NFIX: variants seen among roughly 807,000 people sequenced by gnomAD.
The protein encoded by NFIX is nuclear factor 1 X-type.
In NFIX, 2 loss-of-function variants were observed where a neutral mutation model predicts 53.3. The ratio of observed to expected loss-of-function variants is 0.04; its 90% CI spans 0.02 to 0.12. The LOEUF is 0.12. Among genes scored for constraint, NFIX ranks in the 10% least tolerant of loss-of-function variants. The pLI, the probability that NFIX is intolerant of heterozygous loss-of-function variation, is 1.00. For synonymous variants in NFIX, 244 were observed against 289.0 expected, an observed-to-expected ratio of 0.84 and a Z score of 1.58; for missense variants, 310 against 674.5, an observed-to-expected ratio of 0.46 and a Z score of 5.99.
intron 2 of NFIX, among the ~76,000 whole-genome samples, chr19:13,039,523 T>C (rs2014465759): frequency 6.6e-6 from 1 of 152,186 alleles, no homozygotes; most frequent in Admixed American, 6.5e-5. Context: ...AAGGCATGTG[T>C]TGGCCTCCTC....
chr19:13,039,030 C>T (rs563239121), intron 2 of NFIX, among the ~76,000 whole-genome samples: 9 of 152,088 alleles, frequency 5.9e-5, no homozygotes, highest in Non-Finnish European at 1.3e-4. Flanking sequence ...ACACAAAGGC[C>T]ATTGCTCCAT....
At position 13,002,757 on chromosome 19, in the gene NFIX, G is replaced by A. The variant is rs983912158; in HGVS notation, c.27+6893G>A. 4.6e-5 allele frequency among the ~76,000 whole-genome samples: 7 copies of A among 152,182 alleles called. No individual in the cohort carries two copies. Among genetic ancestry groups the A allele is most frequent in the South Asian group, 2.1e-4 (1 of 4,838 alleles). On this transcript the variant is annotated intron_variant, in intron 1 of 10. Coordinates refer to ENST00000592199, the MANE Select transcript of NFIX (RefSeq NM_001365902.3). The surrounding 1 kb of genome is among the most constrained non-coding windows in gnomAD (Gnocchi z 6.1). ...GGCGCTCTGCAGCCAATCGGAAGCC[G>A]GGGTTGCACTGGGGAGCTCTCCCCC...
At chr19:13,015,135 GTTA>G (rs916047733) in intron 1 of NFIX, among the ~76,000 whole-genome samples, 13 of 152,000 alleles carry the variant, frequency 8.6e-5, no homozygotes, top group African/African-American at 3.1e-4. Flanking sequence ...TATTTTCCTT[GTTA>G]TTTGGTCCTT....
rs545594488 is a variant in NFIX at position 13,077,066 on chromosome 19, T to C, written c.955+1395T>C. ...GAGGAGTTGAGAAGGCCCGGGAGAC[T>C]CTTGGGCTACATCCTGGGTCCCTGG... On this transcript the variant is annotated intron_variant, in intron 6 of 10. Transcript: ENST00000592199. Among the ~76,000 whole-genome samples, 3 of 152,212 alleles carry C rather than the reference T, an allele frequency of 2.0e-5. No homozygotes were observed. In the South Asian group the frequency reaches 6.2e-4, roughly 32 times the overall value.
chr19:13,085,748 A>G (rs546308620), intron 8 of NFIX, among the ~76,000 whole-genome samples: 2 of 152,288 alleles, frequency 1.3e-5, no homozygotes, highest in Non-Finnish European at 2.9e-5. Context: ...TCAGACCTAG[A>G]TGCTGGTCAT....
At position 13,089,790 on chromosome 19, in the gene NFIX, C is replaced by T. The variant is rs1027905425; in HGVS notation, c.1403-509C>T. ...GGAGAGGTAGCCTGGCTGGGAAGGCCTTCCCGAAGCAGGGTGGGGCCGGAC... is the reference window on the plus strand; with the variant it reads ...GGAGAGGTAGCCTGGCTGGGAAGGCTTTCCCGAAGCAGGGTGGGGCCGGAC... On this transcript the variant is annotated intron_variant, in intron 9 of 10. Transcript: ENST00000592199. The surrounding 1 kb of genome is among the most constrained non-coding windows in gnomAD (Gnocchi z 4.8). 2.0e-5 allele frequency among the ~76,000 whole-genome samples: 3 copies of T among 152,152 alleles called. No homozygotes were observed. Among genetic ancestry groups the T allele is most frequent in the Admixed American group, 6.5e-5 (1 of 15,284 alleles).
At chr19:13,064,712 G>A (rs2016297668) in intron 2 of NFIX, among the ~76,000 whole-genome samples, 1 of 152,184 alleles carries the variant, frequency 6.6e-6, no homozygotes, top group Non-Finnish European at 1.5e-5. Context: ...ATGTACTCAA[G>A]AGCGTGAGCT....
At position 13,088,335 on chromosome 19, in the gene NFIX, AGCCCCCT is replaced by A. The variant is rs2017915426; in HGVS notation, c.1402+204_1402+210del. Among the ~76,000 whole-genome samples, 1 of 151,544 alleles carries A rather than the reference AGCCCCCT, an allele frequency of 6.6e-6. No individual in the cohort carries two copies. Among genetic ancestry groups the A allele is most frequent in the African/African-American group, 2.4e-5 (1 of 41,190 alleles). ...CAGTCGCACCAGCCAGCACCCCACG[AGCCCCCT>A]GCCCGCTGCTCCCAGCCGGGGCCCC... On this transcript the variant is annotated intron_variant, in intron 9 of 10. Transcript: ENST00000592199. The surrounding 1 kb of genome is among the most constrained non-coding windows in gnomAD (Gnocchi z 5.9).
intron 2 of NFIX, among the ~76,000 whole-genome samples, chr19:13,048,085 C>A (rs2015102941): frequency 6.6e-6 from 1 of 152,182 alleles, no homozygotes; most frequent in African/African-American, 2.4e-5. Flanking sequence ...TGTGTTATGC[C>A]TAGAAGCTGG....
intron 1 of NFIX, among the ~76,000 whole-genome samples, chr19:13,003,286 C>T (rs907110148): frequency 6.6e-6 from 1 of 152,144 alleles, no homozygotes; most frequent in African/African-American, 2.4e-5. Flanking sequence ...CCGGCCACAC[C>T]CGAACACATC....
intron 1 of NFIX, 146 bp from the exon 2 acceptor site, chr19:13,024,875 T>TG (rs2013194686): frequency 1.5e-6 from 2 of 1,323,608 alleles, no homozygotes; most frequent in East Asian, 2.5e-5. Flanking sequence ...AGAAAATTGT[T>TG]GGGGGGAGGG....
intron 8 of NFIX, among the ~76,000 whole-genome samples, chr19:13,086,618 A>G (rs1471056593): frequency 6.6e-6 from 1 of 152,164 alleles, no homozygotes; most frequent in Non-Finnish European, 1.5e-5. Context: ...CAGCCCCTCC[A>G]GCCTCTTTGT....
rs2011970295 is a variant in NFIX at position 13,005,620 on chromosome 19, C to G, written c.27+9756C>G. Among the ~76,000 whole-genome samples, 1 of 152,180 alleles carries G rather than the reference C, an allele frequency of 6.6e-6. No homozygotes were observed. Among genetic ancestry groups the G allele is most frequent in the African/African-American group, 2.4e-5 (1 of 41,422 alleles). ...AAAACCAAGACTCAGTAGAGGTATC[C>G]AGTGCTAGGGTCAAGGGCGGGGAGC... On this transcript the variant is annotated intron_variant, in intron 1 of 10. Transcript: ENST00000592199. This position sits in a 1 kb window ranked among gnomAD's most constrained non-coding sequence, Gnocchi z 4.7.
rs536536986 is a variant in NFIX, at chr19:13,047,222, TTTTC to T, written c.559+21686_559+21689del. On this transcript the variant is annotated intron_variant, in intron 2 of 10. Coordinates refer to ENST00000592199, the MANE Select transcript of NFIX (RefSeq NM_001365902.3). ...TCTGCAAGACCACTCCCTTATTCTT[TTTTC>T]TTTCTTTCTTTCTTTTTTTTTTTAA... 9.9e-5 allele frequency among the ~76,000 whole-genome samples: 15 copies of T among 152,206 alleles called. No homozygotes were observed. The South Asian group carries it at 1.2e-3, about 13-fold the overall frequency.
intron 10 of NFIX, among the ~76,000 whole-genome samples, chr19:13,091,400 C>CAAAA (rs57370192): frequency 1.4e-4 from 8 of 57,168 alleles, no homozygotes; most frequent in Admixed American, 2.1e-4. Flanking sequence ...TTCCTTCCCT[C>CAAAA]AAAAAAAAAA....
Position 13,049,508 on chromosome 19 carries a change from A to G in NFIX, c.560-23539A>G, listed in dbSNP as rs185700701. On this transcript the variant is annotated intron_variant, in intron 2 of 10. Transcript: ENST00000592199. The surrounding 1 kb of genome is among the most constrained non-coding windows in gnomAD (Gnocchi z 4.5). Reference sequence around the variant, plus strand: ...ATGTTTCATATAAATGAGATCATACACTATGTGGTCTTCATGTCGGGCTTC... The same window carrying G: ...ATGTTTCATATAAATGAGATCATACGCTATGTGGTCTTCATGTCGGGCTTC... 6.6e-6 allele frequency among the ~76,000 whole-genome samples: 1 copy of G among 151,722 alleles called. No homozygotes were observed. Among genetic ancestry groups the G allele is most frequent in the East Asian group, 1.9e-4 (1 of 5,168 alleles).
At chr19:13,087,838 C>T in intron 8 of NFIX, 151 bp from the exon 9 acceptor site, 1 of 652,104 alleles carries the variant, frequency 1.5e-6, no homozygotes, top group South Asian at 1.8e-5. Context: ...CTTACACCCT[C>T]ACCCATCCTG....
In NFIX at chr19:13,067,449, C is replaced by T. The variant is rs964301888; in HGVS notation, c.560-5598C>T. ...GGCAAGAAGTGGTTAGTGGCACCTCCGTGTGTGTGCGCGCGTGTGTGTGTG... is the reference window on the plus strand; with the variant it reads ...GGCAAGAAGTGGTTAGTGGCACCTCTGTGTGTGTGCGCGCGTGTGTGTGTG... On this transcript the variant is annotated intron_variant, in intron 2 of 10. Transcript: ENST00000592199. This position sits in a 1 kb window ranked among gnomAD's most constrained non-coding sequence, Gnocchi z 4.2. Among the ~76,000 whole-genome samples the T allele has an allele frequency of 2.7e-5, 4 of 148,928 alleles. No homozygotes were observed. The highest frequency in any genetic ancestry group is 1.4e-4 in the Admixed American group (2 of 14,810).
chr19:13,016,112 T>C (rs2012652681), intron 1 of NFIX, among the ~76,000 whole-genome samples: 1 of 152,196 alleles, frequency 6.6e-6, no homozygotes, highest in African/African-American at 2.4e-5. Flanking sequence ...TAACTTACAG[T>C]GTGTGCACTT....
Sources: allele counts gnomAD v4.1 joint callset (sites outside exome capture counted in the v4.1 genomes callset), GRCh38; gene constraint gnomAD v4.1.1; non-coding constraint Gnocchi (gnomAD v3.1); transcripts MANE v1.5; gene names NCBI Gene and HGNC (gene_info 2026-07-23, HGNC 2026-07-21).